COG4: variants seen among roughly 807,000 people sequenced by gnomAD.
COG4 encodes conserved oligomeric Golgi complex subunit 4.
Under a neutral mutation model 95.1 loss-of-function variants are expected in COG4, and 65 were observed. The ratio of observed to expected loss-of-function variants is 0.68; its 90% CI spans 0.56 to 0.84. The LOEUF is 0.84. Among genes scored for constraint, COG4 ranks in the 40% least tolerant of loss-of-function variants. The probability of loss-of-function intolerance (pLI) is 0.00; values close to 1 mark genes in which losing one functional copy is unlikely to be tolerated. For missense variants in COG4, 1,045 were observed against 989.1 expected (o/e 1.06, Z -0.76); for synonymous variants, 421 against 374.8 (o/e 1.12, Z -1.42).
intron 16 of COG4, 64 bp from the exon 17 acceptor site, chr16:70,481,929 T>C (rs2049004671): frequency 2.0e-6 from 3 of 1,486,904 alleles, no homozygotes; most frequent in East Asian, 4.6e-5. Context: ...TGCTGGAGTC[T>C]TAGGTGGTGA....
chr16:70,495,108 T>C (rs1373216921), intron 12 of COG4, among the ~76,000 whole-genome samples: 1 of 151,464 alleles, frequency 6.6e-6, no homozygotes, highest in Admixed American at 6.6e-5. Context: ...AAGAATATGA[T>C]AACCAGGCAC....
intron 13 of COG4, among the ~76,000 whole-genome samples, chr16:70,489,880 C>T (rs111761134): frequency 2.0e-5 from 3 of 152,058 alleles, no homozygotes; most frequent in Admixed American, 6.5e-5. Context: ...TGCAGTGGCA[C>T]GATCTCAGCT....
chr16:70,502,025 T>C (rs2049461833), intron 8 of COG4, among the ~76,000 whole-genome samples: 2 of 151,946 alleles, frequency 1.3e-5, no homozygotes, highest in African/African-American at 2.4e-5. Context: ...GGCTCACGCC[T>C]GTAATCCCAA....
intron 12 of COG4, among the ~76,000 whole-genome samples, chr16:70,491,247 G>A (rs2049237418): frequency 6.6e-6 from 1 of 151,880 alleles, no homozygotes; most frequent in South Asian, 2.1e-4. Flanking sequence ...AGGCACGGTG[G>A]CTCACGCCTG....
intron 8 of COG4, among the ~76,000 whole-genome samples, chr16:70,505,279 C>T (rs1327658896): frequency 6.8e-6 from 1 of 147,868 alleles, no homozygotes; most frequent in Non-Finnish European, 1.5e-5. Flanking sequence ...CTCACTGCAA[C>T]CTCCACCTCC....
At chr16:70,482,036 C>T in intron 16 of COG4, 56 bp downstream of exon 16, 1 of 1,474,092 alleles carries the variant, frequency 6.8e-7, no homozygotes, top group Non-Finnish European at 9.5e-7. Context: ...CTGCAGGCTG[C>T]TGGTTTGGGC....
At position 70,480,854 on chromosome 16, in the gene COG4, G is replaced by T; in HGVS notation, c.*156C>A. 1.2e-6 allele frequency: 1 copy of T among 832,276 alleles called. No homozygotes were observed. The highest frequency in any genetic ancestry group is 2.0e-6 in the Non-Finnish European group (1 of 511,626). 51.6% of individuals were successfully genotyped at this position (832,276 alleles called of 1,614,324 possible). A position where few individuals can be genotyped will look rare whatever the true frequency, so the allele number is the denominator to read the frequency against. On this transcript the variant is annotated 3_prime_UTR_variant, in exon 19 of 19. Transcript: ENST00000323786. ...TGGCCAGGTCTGAGGGCAGAGCATG[G>T]AGTGGGTCCAGACTTTGTTTCTCTG...
intron 12 of COG4, 108 bp from the exon 13 acceptor site, chr16:70,490,500 G>A (rs1383476580): frequency 4.5e-6 from 4 of 898,446 alleles, no homozygotes; most frequent in Middle Eastern, 2.3e-4. Flanking sequence ...GAGAAGGGCT[G>A]GCTGGAGTTC....
chr16:70,481,181 G>C, intron 18 of COG4, 37 bp from the exon 19 acceptor site: 10 of 1,613,032 alleles, frequency 6.2e-6, no homozygotes, highest in Non-Finnish European at 8.5e-6. Flanking sequence ...CAGCAAGGTG[G>C]GGTTATTCTG....
intron 8 of COG4, among the ~76,000 whole-genome samples, chr16:70,506,166 G>T (rs1470061745): frequency 6.6e-6 from 1 of 151,978 alleles, no homozygotes. Flanking sequence ...GGAGGCTGAG[G>T]TGGGTGGATC....
At chr16:70,500,062 T>A (rs980250459) in intron 9 of COG4, among the ~76,000 whole-genome samples, 1 of 151,966 alleles carries the variant, frequency 6.6e-6, no homozygotes. Context: ...CTCAAACTCC[T>A]GGGCTCAAGC....
At chr16:70,516,298 TA>T (rs1340079244) in intron 3 of COG4, among the ~76,000 whole-genome samples, 1 of 147,192 alleles carries the variant, frequency 6.8e-6, no homozygotes, top group East Asian at 1.9e-4. Context: ...TTTGTTGAGT[TA>T]AATTTTTTTT....
At chr16:70,492,589 G>T (rs770493853) in intron 12 of COG4, among the ~76,000 whole-genome samples, 1 of 150,944 alleles carries the variant, frequency 6.6e-6, no homozygotes, top group African/African-American at 2.4e-5. Context: ...TGAACCCAGC[G>T]GGCAGAGGTT....
chr16:70,504,650 C>G (rs2049523318), intron 8 of COG4, among the ~76,000 whole-genome samples: 1 of 148,088 alleles, frequency 6.8e-6, no homozygotes, highest in African/African-American at 2.5e-5. Flanking sequence ...TGGTGGCTCA[C>G]TCCTGTAATC....
chr16:70,485,348 C>T lies in COG4; in HGVS notation c.1711-1379G>A, dbSNP rs542903917. 2.0e-5 allele frequency among the ~76,000 whole-genome samples: 3 copies of T among 151,698 alleles called. No homozygotes were observed. The South Asian group carries it at 6.3e-4, about 32-fold the overall frequency. ...CCTCCCGAGTAGCTGGGACTACAGG[C>T]GCCTGCCACCACACCCAACTAATTT... On this transcript the variant is annotated intron_variant, in intron 13 of 18. Transcript: ENST00000323786.
intron 14 of COG4, 111 bp downstream of exon 14, chr16:70,483,742 T>C: frequency 2.3e-6 from 2 of 858,742 alleles, no homozygotes; most frequent in Non-Finnish European, 4.1e-6. Context: ...GCTTGCGTGC[T>C]GCTCCCTCAC....
In COG4 at chr16:70,501,047, C is replaced by A. The variant is rs146268306; in HGVS notation, c.1106G>T (p.Arg369Leu). Residue 369 changes from arginine (R) to leucine (L), a missense_variant, in exon 9 of 19, where the codon CGC becomes CTC. By Grantham distance (102) the Arg-to-Leu change is moderately radical. Transcript: ENST00000323786. ...ILTEVTLMNA[R>L]SELYLRFLKK... ...GAGGAAGCGTAAGTATAGCTCACTG[C>A]GGGCATTCATCAGGGTGACCTCAGT... The A allele has an allele frequency of 8.1e-6, 13 of 1,613,856 alleles. No individual in the cohort carries two copies. The highest frequency in any genetic ancestry group is 2.2e-5 in the East Asian group (1 of 44,886).
At chr16:70,511,793 G>A (rs1385325819) in intron 5 of COG4, among the ~76,000 whole-genome samples, 2 of 151,826 alleles carry the variant, frequency 1.3e-5, no homozygotes, top group Non-Finnish European at 2.9e-5. Context: ...TTAGCTGGGC[G>A]TGGTAGCATA....
chr16:70,510,216 T>C lies in COG4; in HGVS notation c.739-195A>G, dbSNP rs1321760425. 2.0e-5 allele frequency among the ~76,000 whole-genome samples: 3 copies of C among 152,356 alleles called. No homozygotes were observed. The South Asian group carries it at 6.2e-4, about 32-fold the overall frequency. Reference sequence around the variant, plus strand: ...TCAGGCAGGACAAGGAAAGTGAGCATGGTGTAGCTCCTCTTCCATTATTTT... The same window carrying C: ...TCAGGCAGGACAAGGAAAGTGAGCACGGTGTAGCTCCTCTTCCATTATTTT... On this transcript the variant is annotated intron_variant, in intron 5 of 18. Transcript: ENST00000323786.
Sources: gnomAD v4.1 joint callset for allele counts (sites outside exome capture counted in the v4.1 genomes callset) on GRCh38, gnomAD v4.1.1 for gene constraint, MANE v1.5 for transcripts, NCBI Gene and HGNC (gene_info 2026-07-23, HGNC 2026-07-21) for gene names.